The following PCDHA5 variants were observed in gnomAD, a reference collection of about 807,000 sequenced individuals.
The protein encoded by PCDHA5 is protocadherin alpha-5.
In PCDHA5, 43 loss-of-function variants were observed where a neutral mutation model predicts 61.6. The observed-to-expected ratio is 0.70, with a 90% CI of 0.55 to 0.90. The LOEUF is 0.90. PCDHA5 is among the 40% of genes least tolerant of loss of function. The pLI, the probability that PCDHA5 is intolerant of heterozygous loss-of-function variation, is 0.00. For synonymous variants in PCDHA5, 627 were observed against 543.9 expected, an observed-to-expected ratio of 1.15 and a Z score of -2.13; for missense variants, 1,298 against 1,222.7, an observed-to-expected ratio of 1.06 and a Z score of -0.92.
intron 1 of PCDHA5, chr5:140,877,641 C>T (rs548787462): frequency 1.9e-6 from 3 of 1,613,592 alleles, no homozygotes; most frequent in Non-Finnish European, 2.5e-6. Context: ...CGCTGCGTTG[C>T]TCAGCGCCGC....
intron 1 of PCDHA5, among the ~76,000 whole-genome samples, chr5:140,977,308 A>G (rs2096754925): frequency 6.6e-6 from 1 of 152,230 alleles, no homozygotes; most frequent in South Asian, 2.1e-4. Context: ...CAAGCTAACG[A>G]TAGTGCTCCT....
At chr5:140,835,694 C>T (rs1554135195) in intron 1 of PCDHA5, 1 of 1,613,768 alleles carries the variant, frequency 6.2e-7, no homozygotes, top group African/African-American at 1.3e-5. Flanking sequence ...CTCTGTGGGC[C>T]ACTGCTAGCG....
intron 1 of PCDHA5, chr5:140,834,667 T>C (rs1773186748): frequency 5.0e-6 from 8 of 1,614,226 alleles, no homozygotes; most frequent in Non-Finnish European, 6.8e-6. Context: ...CGCGAGGAGC[T>C]GTGCGGGCGG....
At chr5:140,926,512 C>T in intron 1 of PCDHA5, 1 of 197,914 alleles carries the variant, frequency 5.1e-6, no homozygotes. Context: ...GTCTCCCAGG[C>T]TCCGCCCTGC....
At chr5:140,895,143 A>T (rs115893558) in intron 1 of PCDHA5, among the ~76,000 whole-genome samples, 1 of 152,158 alleles carries the variant, frequency 6.6e-6, no homozygotes, top group African/African-American at 2.4e-5. Flanking sequence ...CATAGGGCTA[A>T]GACAGGTTTA....
chr5:140,965,401 A>G (rs546046699), intron 1 of PCDHA5, among the ~76,000 whole-genome samples: 2 of 152,284 alleles, frequency 1.3e-5, no homozygotes, highest in African/African-American at 4.8e-5. Flanking sequence ...AAGTCTAAGG[A>G]GTCTTATATT....
chr5:140,985,111 G>A (rs1252708098), intron 3 of PCDHA5, among the ~76,000 whole-genome samples: 2 of 151,892 alleles, frequency 1.3e-5, no homozygotes, highest in African/African-American at 2.4e-5. Context: ...CTAATTTTTT[G>A]TGTTTTTAGT....
rs562713934 is a variant in PCDHA5, at chr5:140,967,172, G to A, written c.2353-11777G>A. 1.1e-5 allele frequency: 17 copies of A among 1,612,080 alleles called. No individual in the cohort carries two copies. The highest frequency in any genetic ancestry group is 2.2e-5 in the East Asian group (1 of 44,778). On this transcript the variant is annotated intron_variant, in intron 1 of 3. Coordinates refer to ENST00000529859, the MANE Select transcript of PCDHA5 (RefSeq NM_018908.3). ...CCCCGTGGCGGTGAGCGCCGTTGAG[G>A]TGGAAATATTGGACATCAACGACAA...
rs1444138021 is a variant in PCDHA5 at position 140,855,293 on chromosome 5, C to T, written c.2352+31166C>T. ...CTCAACCACCGTATTACTATTAGGC[C>T]AAAGTTATAAAATTGGAACATGAGG... On this transcript the variant is annotated intron_variant, in intron 1 of 3. Transcript: ENST00000529859. 2.7e-5 allele frequency among the ~76,000 whole-genome samples: 4 copies of T among 149,558 alleles called. 1 individual carries two copies. The highest frequency in any genetic ancestry group is 4.3e-4 in the South Asian group (2 of 4,702).
At chr5:140,984,157 C>G (rs1187103463) in intron 3 of PCDHA5, among the ~76,000 whole-genome samples, 1 of 152,228 alleles carries the variant, frequency 6.6e-6, no homozygotes, top group Non-Finnish European at 1.5e-5. Flanking sequence ...AAGGTGAGAA[C>G]TTCCCAAAGA....
At position 140,877,488 on chromosome 5, in the gene PCDHA5, C is replaced by G. The variant is rs781785108; in HGVS notation, c.2352+53361C>G. ...CGGTGCTGGTGTCGCTGGTGGAGAA[C>G]GGCCAGGCCCCAAAGACGTCGTCGC... On this transcript the variant is annotated intron_variant, in intron 1 of 3. Transcript: ENST00000529859. 6.2e-6 allele frequency: 10 copies of G among 1,613,856 alleles called. No homozygotes were observed. In the South Asian group the frequency reaches 1.1e-4, roughly 18 times the overall value.
At chr5:140,852,920 C>T (rs1481418801) in intron 1 of PCDHA5, 1 of 758,850 alleles carries the variant, frequency 1.3e-6, no homozygotes, top group African/African-American at 1.9e-5. Context: ...GCTCTGTTGC[C>T]CAGGCTGGAG....
intron 1 of PCDHA5, among the ~76,000 whole-genome samples, chr5:140,913,241 T>C (rs1325092057): frequency 6.6e-6 from 1 of 152,226 alleles, no homozygotes; most frequent in African/African-American, 2.4e-5. Context: ...GGGAGACTTT[T>C]TGTTACAACT....
chr5:140,918,786 A>T (rs2078853629), intron 1 of PCDHA5, among the ~76,000 whole-genome samples: 1 of 147,002 alleles, frequency 6.8e-6, no homozygotes, highest in African/African-American at 2.6e-5. Context: ...ATGTGAGGAC[A>T]CAGCAAAAAT....
chr5:140,929,443 T>C, intron 1 of PCDHA5: 1 of 1,426,882 alleles, frequency 7.0e-7, no homozygotes, highest in Non-Finnish European at 9.3e-7. Flanking sequence ...AAACACTCCT[T>C]CTTAGCACTT....
intron 1 of PCDHA5, among the ~76,000 whole-genome samples, chr5:140,940,084 A>G (rs1320170233): frequency 1.3e-5 from 2 of 152,202 alleles, no homozygotes; most frequent in East Asian, 3.8e-4. Context: ...TCTTTCTGCT[A>G]AATTGAAACT....
At chr5:140,859,848 G>C (rs1455422999) in intron 1 of PCDHA5, 1 of 151,860 alleles carries the variant, frequency 6.6e-6, no homozygotes, top group South Asian at 2.1e-4. Flanking sequence ...TTATCAAATA[G>C]GTTTATGAAA....
intron 1 of PCDHA5, chr5:140,830,094 C>T (rs1770810347): frequency 2.5e-6 from 4 of 1,613,470 alleles, no homozygotes; most frequent in Middle Eastern, 1.7e-4. Flanking sequence ...GTTCTGGTGT[C>T]GCTGGTGGAG....
rs868965340 is a variant in PCDHA5, at chr5:141,007,276, G to A, written c.2501-2351G>A. On this transcript the variant is annotated intron_variant, in intron 3 of 3. Transcript: ENST00000529859. ...TAAAAGAAGCAGATACAGGCTGGGT[G>A]CAGTGGGCTCATGCCTGTAATCTTA... Among the ~76,000 whole-genome samples the A allele has an allele frequency of 3.3e-5, 5 of 151,858 alleles. No homozygotes were observed. In the South Asian group the frequency reaches 8.3e-4, roughly 25 times the overall value.
Sources: gnomAD v4.1 joint callset for allele counts (sites outside exome capture counted in the v4.1 genomes callset) on GRCh38, gnomAD v4.1.1 for gene constraint, MANE v1.5 for transcripts, NCBI Gene and HGNC (gene_info 2026-07-23, HGNC 2026-07-21) for gene names.